Variants in MYO15B observed in about 807,000 individuals in gnomAD.
MYO15B encodes myosin XVB pseudogene.
A neutral mutation model predicts 119.3 loss-of-function variants in MYO15B; 207 were observed. The ratio of observed to expected loss-of-function variants is 1.73; its 90% confidence interval spans 1.55 to 1.95. MYO15B has a LOEUF of 1.95. Ranked by LOEUF, MYO15B falls within the 30% of genes most tolerant of loss-of-function variation. The pLI is 0.00. For missense variants in MYO15B, 2,264 were observed against 1,203.1 expected (o/e 1.88, Z -13.04); for synonymous variants, 966 against 498.9 (o/e 1.94, Z -12.48).
In MYO15B at chr17:75,621,462, C is replaced by T. The variant is rs537341515; in HGVS notation, c.7936-39C>T. The T allele has an allele frequency of 2.2e-3, 1,523 of 699,282 alleles. 25 individuals are homozygous for T. Among genetic ancestry groups the T allele is most frequent in the South Asian group, 0.022 (1,459 of 67,510 alleles). 43.3% of individuals were successfully genotyped at this position (699,282 alleles called of 1,614,324 possible). Reference sequence around the variant, plus strand: ...CCGTAGATCTGCCCTCTGACCCCCACGGCCCCCCAGACCCATGGCCTCCTC... The same window carrying T: ...CCGTAGATCTGCCCTCTGACCCCCATGGCCCCCCAGACCCATGGCCTCCTC... On this transcript the variant is annotated intron_variant, in intron 51 of 63. Coordinates refer to ENST00000645453, the Ensembl canonical transcript of MYO15B.
chr17:75,592,429 C>G (rs1374790040), exon 8 of MYO15B: 3 of 628,160 alleles, frequency 4.8e-6, no homozygotes, highest in Non-Finnish European at 8.5e-6. Context: ...GTCCCCAAGG[C>G]CCAGGCTGAG....
chr17:75,597,284 C>G (rs2056926576), intron 14 of MYO15B, among the ~76,000 whole-genome samples: 3 of 152,248 alleles, frequency 2.0e-5, no homozygotes, highest in South Asian at 4.1e-4. Flanking sequence ...TGGTCGGGGA[C>G]AAACCCCAGG....
chr17:75,610,541 C>T (rs959125770), intron 22 of MYO15B, among the ~76,000 whole-genome samples: 9 of 152,206 alleles, frequency 5.9e-5, no homozygotes, highest in African/African-American at 1.4e-4. Flanking sequence ...GGGCCCCGTC[C>T]GCTCCCCTCT....
chr17:75,622,466 C>T (rs901060635), intron 53 of MYO15B, among the ~76,000 whole-genome samples: 14 of 152,074 alleles, frequency 9.2e-5, no homozygotes, highest in African/African-American at 3.4e-4. Context: ...CGTGGCTGAG[C>T]CTAGTGAGCT....
rs1213015221 is a variant in MYO15B, at chr17:75,589,891, G to A, written c.1834G>A (p.Gly612Arg). The change falls in exon 1 of 64, where the codon GGG becomes AGG. Residue 612 changes from glycine (G) to arginine (R), a missense_variant. By Grantham distance (125) the Gly-to-Arg change is moderately radical. Coordinates refer to ENST00000645453, the Ensembl canonical transcript of MYO15B. The surrounding 1 kb of genome is among the most constrained non-coding windows in gnomAD (Gnocchi z 4.2). Reference sequence around the variant, plus strand: ...CCTCCTTGCCCCGACTGCACCCGACGGGCCTTCCCTCGACGAGAGCGGCTC... The same window carrying A: ...CCTCCTTGCCCCGACTGCACCCGACAGGCCTTCCCTCGACGAGAGCGGCTC... 14 of 398,626 alleles carry A rather than the reference G, an allele frequency of 3.5e-5. No individual in the cohort carries two copies. In the East Asian group the frequency reaches 4.6e-4, roughly 13 times the overall value. The allele number at this position is 398,626 out of a possible 1,614,324, so 24.7% of individuals were successfully genotyped here. A position where few individuals can be genotyped will look rare whatever the true frequency, so the allele number is the denominator to read the frequency against.
intron 33 of MYO15B, 59 bp downstream of exon 33, chr17:75,615,101 G>A: frequency 1.4e-6 from 1 of 690,018 alleles, no homozygotes; most frequent in Non-Finnish European, 2.7e-6. Flanking sequence ...TGGCAGGCAT[G>A]GCCTGGGACC....
exon 1 of MYO15B, chr17:75,588,303 T>A (rs903487823): frequency 2.5e-6 from 1 of 398,194 alleles, no homozygotes; most frequent in African/African-American, 2.1e-5. Context: ...GCCCAGGGGC[T>A]GGGCTGTCCC....
chr17:75,596,346 C>G, intron 12 of MYO15B, 114 bp from the exon 13 acceptor site: 5 of 634,688 alleles, frequency 7.9e-6, no homozygotes, highest in Non-Finnish European at 5.7e-6. Context: ...GTTGGCTACA[C>G]AGCATCAGCC....
chr17:75,603,261 C>T (rs1472420147), exon 19 of MYO15B: 9 of 702,996 alleles, frequency 1.3e-5, no homozygotes, highest in Admixed American at 6.0e-5. Flanking sequence ...GCCGTGGGCA[C>T]CCGCAGTGCC....
chr17:75,592,527 T>G (rs1412901729), exon 8 of MYO15B: 1 of 606,912 alleles, frequency 1.6e-6, no homozygotes, highest in Admixed American at 2.8e-5. Flanking sequence ...GGAGACTTAC[T>G]ACTACCTCAA....
intron 52 of MYO15B, 159 bp downstream of exon 52, chr17:75,621,729 C>T (rs2058724086): frequency 1.7e-6 from 1 of 605,044 alleles, no homozygotes; most frequent in Non-Finnish European, 3.0e-6. Context: ...TCACCCGCTT[C>T]TACTCCCACT....
intron 35 of MYO15B, 30 bp downstream of exon 35, chr17:75,615,630 T>G (rs1410838088): frequency 3.0e-6 from 2 of 677,046 alleles, no homozygotes; most frequent in South Asian, 1.6e-5. Flanking sequence ...TGGGGCCACC[T>G]GGTGGAGGAG....
chr17:75,604,379 GACTAACT>G (rs1189922071), intron 19 of MYO15B, among the ~76,000 whole-genome samples: 1 of 152,050 alleles, frequency 6.6e-6, no homozygotes, highest in African/African-American at 2.4e-5. Flanking sequence ...GCTTGGTACA[GACTAACT>G]ACTGAGTGTC....
At chr17:75,597,195 G>A (rs1032882496) in intron 14 of MYO15B, among the ~76,000 whole-genome samples, 1 of 152,224 alleles carries the variant, frequency 6.6e-6, no homozygotes, top group African/African-American at 2.4e-5. Context: ...GGGCAAGGTG[G>A]CGGGGACTGC....
At chr17:75,619,718 C>T (rs2058588754) in exon 46 of MYO15B, 1 of 702,770 alleles carries the variant, frequency 1.4e-6, no homozygotes, top group Non-Finnish European at 2.6e-6. Flanking sequence ...TTAGCCGTGT[C>T]CCACCGTGGG....
chr17:75,626,519 C>G (rs1226509051), exon 64 of MYO15B: 3 of 702,850 alleles, frequency 4.3e-6, no homozygotes, highest in East Asian at 5.4e-5. Context: ...GAGGATGAGG[C>G]CTCCCCCGGC....
At chr17:75,623,894 G>A (rs1401455946) in intron 54 of MYO15B, 40 bp downstream of exon 54, 14 of 702,600 alleles carry the variant, frequency 2.0e-5, no homozygotes, top group African/African-American at 3.5e-5. Flanking sequence ...GGCTTCTGGG[G>A]GCAGCTGGGC....
At chr17:75,598,280 G>A (rs962205176) in intron 14 of MYO15B, among the ~76,000 whole-genome samples, 16 of 87,074 alleles carry the variant, frequency 1.8e-4, no homozygotes, top group East Asian at 1.3e-3. Flanking sequence ...AAAAAGAAAA[G>A]AAAAGAAAAG....
chr17:75,620,825 C>T (rs1162866936), intron 49 of MYO15B, 189 bp downstream of exon 49: 5 of 701,822 alleles, frequency 7.1e-6, no homozygotes, highest in African/African-American at 1.7e-5. Context: ...TCCTTGCAGG[C>T]AGGGGCTGGG....
Sources: gnomAD v4.1 joint callset for allele counts (sites outside exome capture counted in the v4.1 genomes callset) on GRCh38, gnomAD v4.1.1 for gene constraint, Gnocchi (gnomAD v3.1) non-coding constraint, MANE v1.5 for transcripts, NCBI Gene and HGNC (gene_info 2026-07-23, HGNC 2026-07-21) for gene names.